The following ARL15 variants were observed in gnomAD, a reference collection of about 807,000 sequenced individuals.
ARL15 encodes ARF like GTPase 15.
In ARL15, 19 loss-of-function variants were observed where a neutral mutation model predicts 25.2. The ratio of observed to expected loss-of-function variants is 0.75; its 90% CI spans 0.53 to 1.10. The LOEUF (loss-of-function observed/expected upper bound fraction) is 1.10, where lower values mean the gene tolerates loss of function less well. Among genes scored for constraint, ARL15 ranks in the 50% least tolerant of loss-of-function variants. The pLI, the probability that ARL15 is intolerant of heterozygous loss-of-function variation, is 0.00. For synonymous variants in ARL15, 94 were observed against 86.8 expected, an observed-to-expected ratio of 1.08 and a Z score of -0.46; for missense variants, 220 against 246.0, an observed-to-expected ratio of 0.89 and a Z score of 0.71.
At position 54,033,956 on chromosome 5, in the gene ARL15, G is replaced by A. The variant is rs200703389; in HGVS notation, c.462+79246C>T. On this transcript the variant is annotated intron_variant, in intron 4 of 4. Coordinates refer to ENST00000504924, the MANE Select transcript of ARL15 (RefSeq NM_019087.3). ...AGCCTCCTGAGTAGCTGGGACTACA[G>A]GTGCCCGCCACCATGCCCGGCTAAT... Among the ~76,000 whole-genome samples the A allele has an allele frequency of 4.9e-4, 74 of 152,158 alleles. No individual in the cohort carries two copies. The East Asian group carries it at 7.6e-3, about 16-fold the overall frequency.
chr5:53,898,482 G>C (rs10054483), intron 4 of ARL15, among the ~76,000 whole-genome samples: 36,643 of 151,860 alleles, frequency 0.24, 4,638 homozygotes, highest in Non-Finnish European at 0.29. Flanking sequence ...ACTTGTTATA[G>C]GTCTAATTTT....
intron 3 of ARL15, among the ~76,000 whole-genome samples, chr5:54,146,295 G>C (rs1487977324): frequency 1.3e-5 from 2 of 151,986 alleles, no homozygotes; most frequent in Non-Finnish European, 2.9e-5. Flanking sequence ...AGAGGTTAGA[G>C]GTAGGATCTA....
At chr5:54,198,467 T>C (rs1411264229) in intron 1 of ARL15, among the ~76,000 whole-genome samples, 8 of 150,210 alleles carry the variant, frequency 5.3e-5, no homozygotes, top group African/African-American at 1.7e-4. Context: ...ACAAAATCAA[T>C]GTACAAAAAT....
At chr5:54,050,954 T>C (rs1168451663) in intron 4 of ARL15, among the ~76,000 whole-genome samples, 1 of 152,168 alleles carries the variant, frequency 6.6e-6, no homozygotes, top group Non-Finnish European at 1.5e-5. Context: ...AACTATAAAG[T>C]AATTTAAACT....
chr5:54,241,863 G>A (rs1362742824), intron 1 of ARL15, among the ~76,000 whole-genome samples: 1 of 152,196 alleles, frequency 6.6e-6, no homozygotes, highest in East Asian at 1.9e-4. Flanking sequence ...CATCCACTGA[G>A]TTTGAGGACC....
At chr5:54,073,303 T>G (rs1751482228) in intron 4 of ARL15, among the ~76,000 whole-genome samples, 1 of 152,220 alleles carries the variant, frequency 6.6e-6, no homozygotes, top group Non-Finnish European at 1.5e-5. Flanking sequence ...AAGTCATATT[T>G]TCTATTTCTT....
intron 4 of ARL15, among the ~76,000 whole-genome samples, chr5:53,910,633 T>TTTTATATA (rs1745420735): frequency 1.8e-5 from 1 of 55,018 alleles, no homozygotes; most frequent in Non-Finnish European, 3.4e-5. Context: ...TAAAAAAAAA[T>TTTTATATA]TATATATATA....
In ARL15 at chr5:54,116,681, A is replaced by G. The variant is rs183770391; in HGVS notation, c.254-3271T>C. Among the ~76,000 whole-genome samples, 348 of 152,302 alleles carry G rather than the reference A, an allele frequency of 2.3e-3. 3 individuals carry two copies. The highest frequency in any genetic ancestry group is 4.0e-3 in the Admixed American group (61 of 15,298). On this transcript the variant is annotated intron_variant, in intron 3 of 4. Transcript: ENST00000504924. The stretch of plus-strand genomic sequence containing the variant: ...GTTCTGACATGAATGGTGGCTGCTC[A>G]AAGTGTTTTACGTATATTAAATCAC...
intron 4 of ARL15, among the ~76,000 whole-genome samples, chr5:53,940,399 T>C (rs1443042251): frequency 1.3e-5 from 2 of 152,238 alleles, no homozygotes; most frequent in Non-Finnish European, 2.9e-5. Context: ...CTTTTGTCTC[T>C]ACCTTTGAGC....
At chr5:53,949,070 G>C (rs990608281) in intron 4 of ARL15, among the ~76,000 whole-genome samples, 3 of 152,150 alleles carry the variant, frequency 2.0e-5, no homozygotes, top group Non-Finnish European at 4.4e-5. Context: ...AAAAGATACT[G>C]CTAAATAAAA....
intron 1 of ARL15, among the ~76,000 whole-genome samples, chr5:54,231,398 C>CTA (rs1188933141): frequency 2.0e-5 from 3 of 152,104 alleles, no homozygotes; most frequent in African/African-American, 7.3e-5. Flanking sequence ...CTGTCTCTCT[C>CTA]ATAACACTCT....
chr5:54,198,292 C>T (rs1229644258), intron 1 of ARL15, among the ~76,000 whole-genome samples: 2 of 152,154 alleles, frequency 1.3e-5, no homozygotes, highest in East Asian at 1.9e-4. Context: ...GAAGTTCTGG[C>T]CGGGGCAATC....
At chr5:54,030,130 G>A (rs575763460) in intron 4 of ARL15, among the ~76,000 whole-genome samples, 3 of 152,228 alleles carry the variant, frequency 2.0e-5, no homozygotes, top group East Asian at 1.9e-4. Flanking sequence ...AGCTATGATC[G>A]TGCCACTGTA....
chr5:54,257,355 T>C (rs1354584184), intron 1 of ARL15, among the ~76,000 whole-genome samples: 1 of 152,174 alleles, frequency 6.6e-6, no homozygotes, highest in Non-Finnish European at 1.5e-5. Context: ...GAGATATATA[T>C]ATCTCTGTCC....
chr5:54,011,543 G>T (rs1749243993), intron 4 of ARL15, among the ~76,000 whole-genome samples: 1 of 152,118 alleles, frequency 6.6e-6, no homozygotes, highest in African/African-American at 2.4e-5. Flanking sequence ...GGTGGTTAGG[G>T]TGAAAAATAG....
At chr5:54,110,790 A>G (rs972857905) in intron 4 of ARL15, among the ~76,000 whole-genome samples, 1 of 152,130 alleles carries the variant, frequency 6.6e-6, no homozygotes, top group Middle Eastern at 3.4e-3. Flanking sequence ...TATAATACCA[A>G]TGCCTGCTCC....
intron 1 of ARL15, among the ~76,000 whole-genome samples, chr5:54,197,973 A>G (rs1420191984): frequency 6.6e-6 from 1 of 151,880 alleles, no homozygotes; most frequent in Non-Finnish European, 1.5e-5. Context: ...CATCCCTGGG[A>G]TGCAAGGCTG....
chr5:54,174,045 G>C (rs1344285713), intron 1 of ARL15, among the ~76,000 whole-genome samples: 1 of 152,100 alleles, frequency 6.6e-6, no homozygotes, highest in African/African-American at 2.4e-5. Context: ...GCTCTACTGG[G>C]CTTTTATAAA....
intron 1 of ARL15, among the ~76,000 whole-genome samples, chr5:54,253,711 C>T (rs1294707099): frequency 6.6e-6 from 1 of 152,106 alleles, no homozygotes; most frequent in Non-Finnish European, 1.5e-5. Flanking sequence ...CCACCTCAGC[C>T]TCCCAAGTAG....
Sources: allele counts gnomAD v4.1 joint callset (sites outside exome capture counted in the v4.1 genomes callset), GRCh38; gene constraint gnomAD v4.1.1; transcripts MANE v1.5; gene names NCBI Gene and HGNC (gene_info 2026-07-23, HGNC 2026-07-21).